GLIS3: variants seen among roughly 807,000 people sequenced by gnomAD.
The protein encoded by GLIS3 is zinc finger protein GLIS3.
A neutral mutation model predicts 78.6 loss-of-function variants in GLIS3; 53 were observed. The observed-to-expected ratio is 0.67, with a 90% CI of 0.54 to 0.85. The LOEUF (loss-of-function observed/expected upper bound fraction) is 0.85. GLIS3 is among the 40% of genes least tolerant of loss of function. GLIS3 has a pLI of 0.00. For synonymous variants in GLIS3, 684 were observed against 509.9 expected (o/e 1.34, Z -4.60); for missense variants, 1,703 against 1,231.1 (o/e 1.38, Z -5.74).
At chr9:4,394,702 A>T in the GLIS3 span, among the ~76,000 whole-genome samples, 2 of 152,194 alleles carry the variant, frequency 1.3e-5, no homozygotes, top group East Asian at 3.8e-4. Flanking sequence ...AAGAAAACCT[A>T]ATTTTGCACA....
At chr9:3,849,866 G>A (rs1045080689) in intron 9 of GLIS3, among the ~76,000 whole-genome samples, 1 of 151,240 alleles carries the variant, frequency 6.6e-6, no homozygotes, top group African/African-American at 2.4e-5. Flanking sequence ...CATAGATTGC[G>A]CCACTGCACC....
In GLIS3 at chr9:3,971,406, T is replaced by A. The variant is rs532150017; in HGVS notation, c.1711-34217A>T. On this transcript the variant is annotated intron_variant, in intron 4 of 10. Transcript: ENST00000381971. ...CTTAAAAGAAAAAGTCATTATCTGA[T>A]CCCTATGCAGTCATCCCTTATACCT... Among the ~76,000 whole-genome samples, 13 of 152,288 alleles carry A rather than the reference T, an allele frequency of 8.5e-5. No homozygotes were observed. In the South Asian group the frequency reaches 2.7e-3, roughly 32 times the overall value.
chr9:4,420,867 G>T, the GLIS3 span, among the ~76,000 whole-genome samples: 3 of 152,118 alleles, frequency 2.0e-5, no homozygotes, highest in African/African-American at 7.2e-5. Context: ...ACCTGAAATT[G>T]TTATATATTT....
rs149808516 is a variant in GLIS3 at position 4,344,907 on chromosome 9, G to A, written n.264+2174C>T. 1.4e-3 allele frequency among the ~76,000 whole-genome samples: 220 copies of A among 152,238 alleles called. 4 individuals are homozygous for A. In the South Asian group the frequency reaches 0.024, roughly 17 times the overall value. ...TGGCTCTACCTTCAAAATATATCCAGATTTCACACTTCTCACCATCTTCAC... is the reference window on the plus strand; with the variant it reads ...TGGCTCTACCTTCAAAATATATCCAAATTTCACACTTCTCACCATCTTCAC... On this transcript the variant is annotated intron_variant and non_coding_transcript_variant, in intron 2 of 4. Coordinates refer to the GLIS3 transcript ENST00000471664.
At chr9:4,367,729 T>C in the GLIS3 span, among the ~76,000 whole-genome samples, 2 of 149,454 alleles carry the variant, frequency 1.3e-5, no homozygotes, top group South Asian at 2.2e-4. Context: ...ACAAGTACTA[T>C]ACATATTTAT....
chr9:4,140,157 C>A (rs550526742), intron 2 of GLIS3, among the ~76,000 whole-genome samples: 2 of 152,122 alleles, frequency 1.3e-5, no homozygotes, highest in African/African-American at 2.4e-5. Flanking sequence ...AACGCTGTCT[C>A]CACAAAAAAT....
At chr9:4,122,330 G>A (rs565124728) in intron 3 of GLIS3, among the ~76,000 whole-genome samples, 4 of 152,150 alleles carry the variant, frequency 2.6e-5, no homozygotes, top group Non-Finnish European at 5.9e-5. Flanking sequence ...CTGGAAATTC[G>A]TGTCTATGTG....
intron 4 of GLIS3, among the ~76,000 whole-genome samples, chr9:4,062,591 C>T (rs901868196): frequency 5.3e-5 from 8 of 152,192 alleles, no homozygotes; most frequent in African/African-American, 1.9e-4. Flanking sequence ...TATAACTCTT[C>T]TGCCTACCCC....
intron 2 of GLIS3, among the ~76,000 whole-genome samples, 158 bp from the exon 3 acceptor site, chr9:4,126,099 CA>C (rs2130914694): frequency 6.6e-6 from 1 of 152,146 alleles, no homozygotes; most frequent in East Asian, 1.9e-4. Context: ...TCTCCAATTC[CA>C]ATGACAAAGC....
At chr9:4,042,549 C>A (rs185598688) in intron 4 of GLIS3, among the ~76,000 whole-genome samples, 2 of 152,288 alleles carry the variant, frequency 1.3e-5, no homozygotes, top group Admixed American at 1.3e-4. Flanking sequence ...GCCTGTTTTA[C>A]CCCAAATCTT....
At chr9:3,861,903 A>G (rs1588108629) in intron 8 of GLIS3, among the ~76,000 whole-genome samples, 2 of 152,332 alleles carry the variant, frequency 1.3e-5, no homozygotes, top group East Asian at 3.9e-4. Context: ...TTCTGTAACA[A>G]ACCGGCACAT....
Position 3,830,831 on chromosome 9 carries a change from TTAAG to T in GLIS3, c.2474-1343_2474-1340del, listed in dbSNP as rs147380832. ...TATTTAAGTTTCTTCTTAGCTCTCTTTAAGTAAAACCAGGGTGAACTGATACATC... is the reference window on the plus strand; with the variant it reads ...TATTTAAGTTTCTTCTTAGCTCTCTTTAAAACCAGGGTGAACTGATACATC... On this transcript the variant is annotated intron_variant, in intron 9 of 10. Transcript: ENST00000381971. Among the ~76,000 whole-genome samples the T allele has an allele frequency of 7.4e-3, 1,119 of 152,216 alleles. 14 individuals carry two copies. The highest frequency in any genetic ancestry group is 0.022 in the African/African-American group (929 of 41,538).
chr9:4,051,035 C>T (rs1380096126), intron 4 of GLIS3, among the ~76,000 whole-genome samples: 2 of 152,044 alleles, frequency 1.3e-5, no homozygotes, highest in Non-Finnish European at 2.9e-5. Flanking sequence ...TTAATTACTA[C>T]TAAGGCACAT....
At chr9:4,436,696 C>G in the GLIS3 span, among the ~76,000 whole-genome samples, 1 of 150,986 alleles carries the variant, frequency 6.6e-6, no homozygotes, top group Admixed American at 6.6e-5. Flanking sequence ...ATCCCAACTA[C>G]TCTGGAGGCT....
At chr9:4,084,710 T>C (rs144497597) in intron 4 of GLIS3, among the ~76,000 whole-genome samples, 5 of 152,288 alleles carry the variant, frequency 3.3e-5, no homozygotes, top group Non-Finnish European at 7.3e-5. Flanking sequence ...AAGCATGCCG[T>C]ACAGTAAAGC....
intron 2 of GLIS3, among the ~76,000 whole-genome samples, chr9:4,279,176 G>A (rs927427437): frequency 1.3e-5 from 2 of 151,098 alleles, no homozygotes; most frequent in African/African-American, 4.9e-5. Context: ...GCAGGCACCT[G>A]TAATCCCAGC....
Position 4,118,063 on chromosome 9 carries a change from T to G in GLIS3, c.1415A>C (p.Glu472Ala). 6.5e-7 allele frequency: 1 copy of G among 1,549,148 alleles called. No homozygotes were observed. Among genetic ancestry groups the G allele is most frequent in the Non-Finnish European group, 8.7e-7 (1 of 1,143,466 alleles). ...YHAHAHLHHP[E>A]LGPHAQQLAL... ...CAGCTGCTGGGCGTGGGGCCCGAGC[T>G]CCGGGTGGTGAAGGTGCGCATGGGC... is the stretch of plus-strand genomic sequence containing the variant. The change falls in exon 4 of 11, where the codon GAG becomes GCG. Residue 472 changes from glutamate to alanine, a missense_variant. Transcript: ENST00000381971. The surrounding 1 kb of genome is among the most constrained non-coding windows in gnomAD (Gnocchi z 4.7).
At chr9:4,313,315 T>C (rs990674029) in intron 2 of GLIS3, among the ~76,000 whole-genome samples, 3 of 152,288 alleles carry the variant, frequency 2.0e-5, no homozygotes, top group African/African-American at 7.2e-5. Context: ...GCTGTCTTCT[T>C]TCTCAGCCAT....
chr9:4,290,753 A>G (rs1420603999), intron 1 of GLIS3, among the ~76,000 whole-genome samples: 2 of 152,180 alleles, frequency 1.3e-5, no homozygotes, highest in East Asian at 3.8e-4. Flanking sequence ...ATTGGCAACA[A>G]TATAAACACA....
Sources: gnomAD v4.1 joint callset for allele counts (sites outside exome capture counted in the v4.1 genomes callset) on GRCh38, gnomAD v4.1.1 for gene constraint, Gnocchi (gnomAD v3.1) non-coding constraint, MANE v1.5 for transcripts, NCBI Gene and HGNC (gene_info 2026-07-23, HGNC 2026-07-21) for gene names.